The following MAGI3 variants were observed in gnomAD, a reference collection of about 807,000 sequenced individuals.
MAGI3 encodes membrane-associated guanylate kinase, WW and PDZ domain-containing protein 3.
MAGI3 carries 43 observed loss-of-function variants against 121.8 expected under a neutral mutation model. That is an observed-to-expected ratio of 0.35 (90% CI 0.28 to 0.46). The LOEUF is 0.46. MAGI3 is among the 20% of genes least tolerant of loss of function. The pLI is 1.00. For synonymous variants in MAGI3, 553 were observed against 639.3 expected (o/e 0.86, Z 2.04); for missense variants, 1,547 against 1,797.3 (o/e 0.86, Z 2.52).
chr1:113,635,709 C>T (rs1270852306), intron 9 of MAGI3, among the ~76,000 whole-genome samples: 9 of 152,130 alleles, frequency 5.9e-5, no homozygotes, highest in Admixed American at 1.3e-4. Flanking sequence ...TGTCTCTGCC[C>T]AGCTTTGGTG....
chr1:113,606,914 A>G (rs565946590), intron 6 of MAGI3, among the ~76,000 whole-genome samples: 16 of 152,348 alleles, frequency 1.1e-4, no homozygotes, highest in African/African-American at 3.4e-4. Context: ...TACAGTGAAC[A>G]TACATATGCC....
chr1:113,587,267 G>A (rs1043595958), intron 4 of MAGI3, among the ~76,000 whole-genome samples: 1 of 152,136 alleles, frequency 6.6e-6, no homozygotes, highest in Non-Finnish European at 1.5e-5. Context: ...GTGCGATCTT[G>A]GCTCACTGCA....
At chr1:113,580,933 A>AT (rs2101719866) in intron 3 of MAGI3, 1 of 192,188 alleles carries the variant, frequency 5.2e-6, no homozygotes, top group South Asian at 1.6e-4. Flanking sequence ...TTTCATAGTA[A>AT]TTCACATTCA....
chr1:113,465,099 T>G (rs1655215467), intron 1 of MAGI3, among the ~76,000 whole-genome samples: 1 of 152,082 alleles, frequency 6.6e-6, no homozygotes, highest in Admixed American at 6.6e-5. Context: ...ATCTCCCCAG[T>G]GTTTTCTTCT....
At chr1:113,537,383 T>C (rs1659057278) in intron 1 of MAGI3, among the ~76,000 whole-genome samples, 2 of 152,190 alleles carry the variant, frequency 1.3e-5, no homozygotes, top group East Asian at 3.8e-4. Context: ...ACACTTTTTG[T>C]CATGTACTAT....
rs1388837560 is a variant in MAGI3 at position 113,636,517 on chromosome 1, T to C, written c.1361-5394T>C. On this transcript the variant is annotated intron_variant, in intron 9 of 20. Coordinates refer to ENST00000307546, the MANE Select transcript of MAGI3 (RefSeq NM_001142782.2). The stretch of plus-strand genomic sequence containing the variant: ...AGTCATTCAGGAGCACGTTGTTCAG[T>C]TTCCATGTAGTTGAGCGGTTTTGAG... 8.6e-5 allele frequency among the ~76,000 whole-genome samples: 13 copies of C among 151,830 alleles called. 1 individual carries two copies. Among genetic ancestry groups the C allele is most frequent in the Admixed American group, 8.5e-4 (13 of 15,276 alleles).
intron 1 of MAGI3, among the ~76,000 whole-genome samples, chr1:113,542,832 G>A (rs1444161527): frequency 1.3e-5 from 2 of 152,136 alleles, no homozygotes; most frequent in Admixed American, 1.3e-4. Context: ...TTCTAGGACA[G>A]CGCTTACAAT....
chr1:113,432,050 G>T (rs977337627), intron 1 of MAGI3, among the ~76,000 whole-genome samples: 1 of 152,146 alleles, frequency 6.6e-6, no homozygotes, highest in Admixed American at 6.6e-5. Context: ...GACCTTTATG[G>T]AAACTTAATG....
chr1:113,653,687 C>T (rs184654820), intron 14 of MAGI3, 143 bp from the exon 15 acceptor site: 30 of 609,660 alleles, frequency 4.9e-5, no homozygotes, highest in Middle Eastern at 9.2e-4. Context: ...AGATTATACC[C>T]GAAGCTCACA....
intron 19 of MAGI3, among the ~76,000 whole-genome samples, chr1:113,674,475 A>C (rs1183462793): frequency 6.6e-6 from 1 of 151,848 alleles, no homozygotes; most frequent in Admixed American, 6.5e-5. Context: ...TAGGTGATAC[A>C]TTAAAAACTT....
chr1:113,614,818 G>C lies in MAGI3; in HGVS notation c.1076+160G>C, dbSNP rs12405654. On this transcript the variant is annotated intron_variant, in intron 7 of 20. Coordinates refer to ENST00000307546, the MANE Select transcript of MAGI3 (RefSeq NM_001142782.2). ...AGGGGCAGTGAGCATTTGCTTCATT[G>C]ACCTTGGGCTTCCTGGAAGTTGGCT... Among the ~76,000 whole-genome samples the C allele has an allele frequency of 3.0e-4, 46 of 152,242 alleles. No individual in the cohort carries two copies. The Middle Eastern group carries it at 0.014, about 45-fold the overall frequency.
chr1:113,516,703 G>C (rs550948289), intron 1 of MAGI3, among the ~76,000 whole-genome samples: 1 of 152,014 alleles, frequency 6.6e-6, no homozygotes, highest in South Asian at 2.1e-4. Flanking sequence ...CACTCCTTAG[G>C]TATGAGCTAC....
At chr1:113,594,626 G>A (rs568583274) in intron 6 of MAGI3, 66 bp downstream of exon 6, 1 of 1,391,174 alleles carries the variant, frequency 7.2e-7, no homozygotes, top group South Asian at 1.3e-5. Flanking sequence ...TTCTTGCTCA[G>A]ATAATGGGTT....
intron 2 of MAGI3, among the ~76,000 whole-genome samples, chr1:113,580,119 G>A (rs1375176334): frequency 6.6e-6 from 1 of 152,088 alleles, no homozygotes; most frequent in East Asian, 1.9e-4. Context: ...GAGAATAATG[G>A]CTAAGAAGCC....
At chr1:113,420,805 C>T (rs1652695863) in intron 1 of MAGI3, among the ~76,000 whole-genome samples, 1 of 152,160 alleles carries the variant, frequency 6.6e-6, no homozygotes, top group Admixed American at 6.6e-5. Context: ...AGTTCACTTT[C>T]AGGTAGACTC....
chr1:113,428,751 G>A lies in MAGI3; in HGVS notation c.316+37402G>A, dbSNP rs530229558. ...GGCATAAATTTAACATGTGTGGCAC[G>A]TCTCAAGTTAGACTCTAAATTTTCA... On this transcript the variant is annotated intron_variant, in intron 1 of 20. Transcript: ENST00000307546. Among the ~76,000 whole-genome samples the A allele has an allele frequency of 5.3e-5, 8 of 152,210 alleles. No individual in the cohort carries two copies. In the East Asian group the frequency reaches 7.7e-4, roughly 15 times the overall value.
chr1:113,575,841 A>G (rs1039620267), intron 2 of MAGI3, among the ~76,000 whole-genome samples: 3 of 152,184 alleles, frequency 2.0e-5, no homozygotes, highest in Non-Finnish European at 2.9e-5. Flanking sequence ...AGTTTTATCT[A>G]TAAGCCCCTG....
chr1:113,584,050 A>G (rs1374055993), intron 3 of MAGI3, among the ~76,000 whole-genome samples: 1 of 152,170 alleles, frequency 6.6e-6, no homozygotes, highest in East Asian at 1.9e-4. Flanking sequence ...GGAAGAACCT[A>G]TGCTATTTTC....
At chr1:113,605,966 AATT>A (rs1391933452) in intron 6 of MAGI3, among the ~76,000 whole-genome samples, 2 of 127,700 alleles carry the variant, frequency 1.6e-5, no homozygotes, top group East Asian at 2.0e-4. Context: ...ATTATACCTC[AATT>A]ATTATTCTTT....
Sources: gnomAD v4.1 joint callset for allele counts (sites outside exome capture counted in the v4.1 genomes callset) on GRCh38, gnomAD v4.1.1 for gene constraint, MANE v1.5 for transcripts, NCBI Gene and HGNC (gene_info 2026-07-23, HGNC 2026-07-21) for gene names.